PELI2: variants seen among roughly 807,000 people sequenced by gnomAD.
PELI2 encodes E3 ubiquitin-protein ligase pellino homolog 2.
A neutral mutation model predicts 42.3 loss-of-function variants in PELI2; 23 were observed. The ratio of observed to expected loss-of-function variants is 0.54; its 90% CI spans 0.39 to 0.77. PELI2 has a LOEUF of 0.77. PELI2 is among the 30% of genes least tolerant of loss of function. The pLI is 0.00. For synonymous variants in PELI2, 245 were observed against 212.2 expected (o/e 1.15, Z -1.34); for missense variants, 463 against 553.2 (o/e 0.84, Z 1.64).
intron 2 of PELI2, among the ~76,000 whole-genome samples, chr14:56,253,870 A>T (rs947623034): frequency 1.2e-4 from 19 of 152,230 alleles, no homozygotes; most frequent in Admixed American, 8.5e-4. Flanking sequence ...GAACAAAAAA[A>T]GAGCCCAGAT....
intron 2 of PELI2, among the ~76,000 whole-genome samples, chr14:56,184,716 G>A (rs1867707774): frequency 6.6e-6 from 1 of 152,028 alleles, no homozygotes; most frequent in African/African-American, 2.4e-5. Flanking sequence ...GAAGGTAATG[G>A]AAGATTTACT....
intron 2 of PELI2, among the ~76,000 whole-genome samples, chr14:56,270,901 A>G (rs1026921558): frequency 6.6e-6 from 1 of 152,182 alleles, no homozygotes; most frequent in African/African-American, 2.4e-5. Context: ...TGCAGTATCT[A>G]CATGTGGTTA....
At chr14:56,161,241 T>A (rs1227637442) in intron 1 of PELI2, among the ~76,000 whole-genome samples, 1 of 152,146 alleles carries the variant, frequency 6.6e-6, no homozygotes, top group Non-Finnish European at 1.5e-5. Flanking sequence ...TTTTTCCTGT[T>A]GTGCTTTCTA....
rs140885964 is a variant in PELI2 at position 56,258,289 on chromosome 14, G to A, written c.208-21387G>A. On this transcript the variant is annotated intron_variant, in intron 2 of 5. Coordinates refer to ENST00000267460, the MANE Select transcript of PELI2 (RefSeq NM_021255.3). ...AACACTCTTAACAAAATCAAGAACC[G>A]CCCCCCCACCCCCGCAAAAAAAAAT... 2.7e-4 allele frequency among the ~76,000 whole-genome samples: 40 copies of A among 150,650 alleles called. 3 individuals are homozygous for A. The highest frequency in any genetic ancestry group is 6.8e-4 in the African/African-American group (28 of 40,952).
chr14:56,189,416 C>T (rs563909597), intron 2 of PELI2, among the ~76,000 whole-genome samples: 9 of 152,256 alleles, frequency 5.9e-5, no homozygotes, highest in African/African-American at 1.4e-4. Flanking sequence ...TTCAAGCTTC[C>T]GCCTGGAAGT....
chr14:56,258,488 T>C (rs1450762233), intron 2 of PELI2, among the ~76,000 whole-genome samples: 1 of 151,818 alleles, frequency 6.6e-6, no homozygotes, highest in African/African-American at 2.4e-5. Flanking sequence ...TGACGTGGAA[T>C]GTAAAGGGAA....
At chr14:56,147,338 G>A (rs1391994559) in intron 1 of PELI2, among the ~76,000 whole-genome samples, 1 of 152,160 alleles carries the variant, frequency 6.6e-6, no homozygotes, top group Non-Finnish European at 1.5e-5. Context: ...TAGGTCTTGT[G>A]ATGAGATGCT....
intron 1 of PELI2, among the ~76,000 whole-genome samples, chr14:56,133,593 C>G (rs567615774): frequency 6.6e-6 from 1 of 152,238 alleles, no homozygotes; most frequent in Non-Finnish European, 1.5e-5. Context: ...CCCCCACCCC[C>G]GTTACATGTT....
chr14:56,253,186 T>C (rs1039476623), intron 2 of PELI2, among the ~76,000 whole-genome samples: 7 of 152,198 alleles, frequency 4.6e-5, no homozygotes, highest in African/African-American at 1.7e-4. Context: ...AAACTAGGTA[T>C]TGATGGATGT....
At chr14:56,246,486 A>G (rs1888165161) in intron 2 of PELI2, among the ~76,000 whole-genome samples, 1 of 152,082 alleles carries the variant, frequency 6.6e-6, no homozygotes, top group South Asian at 2.1e-4. Flanking sequence ...TGTGTTTCCC[A>G]TGTCCTTCTC....
chr14:56,297,682 C>T lies in PELI2; in HGVS notation c.*516C>T, dbSNP rs1890056214. On this transcript the variant is annotated 3_prime_UTR_variant, in exon 6 of 6. Coordinates refer to ENST00000267460, the MANE Select transcript of PELI2 (RefSeq NM_021255.3). ...ACAGTGTGACTGGTGGACAGATGGC[C>T]TTAGGCACAGGTGGTTTTGAAATCT... The T allele has an allele frequency of 1.3e-5, 2 of 152,078 alleles. No individual in the cohort carries two copies. Among genetic ancestry groups the T allele is most frequent in the African/African-American group, 4.8e-5 (2 of 41,338 alleles). The allele number at this position is 152,078 out of a possible 1,614,324, so 9.4% of individuals were successfully genotyped here. A position where few individuals can be genotyped will look rare whatever the true frequency, so the allele number is the denominator to read the frequency against.
chr14:56,280,275 CA>C (rs1889434585), intron 3 of PELI2, among the ~76,000 whole-genome samples: 1 of 151,820 alleles, frequency 6.6e-6, no homozygotes, highest in African/African-American at 2.4e-5. Flanking sequence ...ACATTTATCT[CA>C]AAAGTTCTTT....
In PELI2 at chr14:56,283,467, C is replaced by G. The variant is rs78600924; in HGVS notation, c.309+3690C>G. 8.8e-3 allele frequency among the ~76,000 whole-genome samples: 1,336 copies of G among 152,280 alleles called. 19 individuals are homozygous for G. Among genetic ancestry groups the G allele is most frequent in the African/African-American group, 0.031 (1,273 of 41,552 alleles). On this transcript the variant is annotated intron_variant, in intron 3 of 5. Transcript: ENST00000267460. ...AGCACCATCAGCATAGAGACCAGCACAGTGGAAAAGGCAGTTAACGTCTTT... is the reference window on the plus strand; with the variant it reads ...AGCACCATCAGCATAGAGACCAGCAGAGTGGAAAAGGCAGTTAACGTCTTT...
chr14:56,202,962 G>A (rs946098281), intron 2 of PELI2, among the ~76,000 whole-genome samples: 18 of 151,904 alleles, frequency 1.2e-4, no homozygotes, highest in African/African-American at 3.9e-4. Flanking sequence ...ACAACCAAAT[G>A]CAGTGTGTCA....
Position 56,183,115 on chromosome 14 carries a change from C to T in PELI2, c.207+4651C>T, listed in dbSNP as rs551458828. ...GATTGGTCGTGTGTGGTGTTTCATA[C>T]TTAGAAGTTCAATAATTAATTTGTT... On this transcript the variant is annotated intron_variant, in intron 2 of 5. Coordinates refer to ENST00000267460, the MANE Select transcript of PELI2 (RefSeq NM_021255.3). Among the ~76,000 whole-genome samples the T allele has an allele frequency of 3.3e-5, 5 of 152,168 alleles. No individual in the cohort carries two copies. In the South Asian group the frequency reaches 1.0e-3, roughly 32 times the overall value.
chr14:56,247,180 C>T (rs997356892), intron 2 of PELI2, among the ~76,000 whole-genome samples: 2 of 152,174 alleles, frequency 1.3e-5, no homozygotes, highest in African/African-American at 4.8e-5. Context: ...TGAAAATCAA[C>T]ATACACACAC....
At chr14:56,262,993 C>T (rs1888768276) in intron 2 of PELI2, among the ~76,000 whole-genome samples, 1 of 152,040 alleles carries the variant, frequency 6.6e-6, no homozygotes, top group Non-Finnish European at 1.5e-5. Context: ...TGCCTTGATT[C>T]TTTTGCTCAA....
intron 1 of PELI2, among the ~76,000 whole-genome samples, chr14:56,136,294 C>T (rs760876922): frequency 2.0e-5 from 3 of 152,042 alleles, no homozygotes; most frequent in Admixed American, 6.6e-5. Context: ...TGGTCACACC[C>T]GGAGGTTCTG....
intron 2 of PELI2, among the ~76,000 whole-genome samples, chr14:56,223,414 T>C (rs1397467026): frequency 6.6e-6 from 1 of 152,182 alleles, no homozygotes; most frequent in Non-Finnish European, 1.5e-5. Flanking sequence ...TCCCTGTCAC[T>C]GAGTAGTATT....
Sources: allele counts gnomAD v4.1 joint callset (sites outside exome capture counted in the v4.1 genomes callset), GRCh38; gene constraint gnomAD v4.1.1; transcripts MANE v1.5; gene names NCBI Gene and HGNC (gene_info 2026-07-23, HGNC 2026-07-21).